Variants in FAR2 observed in about 807,000 individuals in gnomAD.
FAR2 encodes epididymis secretory protein Li 81.
A neutral mutation model predicts 56.0 loss-of-function variants in FAR2; 19 were observed. That is an observed-to-expected ratio of 0.34 (90% confidence interval 0.24 to 0.50). The LOEUF (loss-of-function observed/expected upper bound fraction) is 0.50. Among genes scored for constraint, FAR2 ranks in the 20% least tolerant of loss-of-function variants. The probability of loss-of-function intolerance (pLI) is 0.98; values close to 1 mark genes in which losing one functional copy is unlikely to be tolerated. For missense variants in FAR2, 508 were observed against 642.2 expected, an observed-to-expected ratio of 0.79 and a Z score of 2.26; for synonymous variants, 219 against 218.8, an observed-to-expected ratio of 1.00 and a Z score of -0.01.
chr12:29,241,259 G>A (rs989862993), intron 1 of FAR2, among the ~76,000 whole-genome samples: 13 of 152,122 alleles, frequency 8.5e-5, no homozygotes, highest in Non-Finnish European at 1.9e-4. Flanking sequence ...GCCAAAATGT[G>A]TATGTATACA....
At chr12:29,322,036 T>A in intron 10 of FAR2, 112 bp downstream of exon 10, 2 of 1,216,526 alleles carry the variant, frequency 1.6e-6, no homozygotes, top group East Asian at 2.9e-5. Flanking sequence ...AGACACAGAT[T>A]TTGTTTTGCT....
chr12:29,319,137 C>T (rs1949511529), intron 9 of FAR2, among the ~76,000 whole-genome samples: 1 of 151,722 alleles, frequency 6.6e-6, no homozygotes, highest in African/African-American at 2.4e-5. Flanking sequence ...ATTACAGGCG[C>T]CCGCCACTGT....
At chr12:29,199,218 G>T (rs1025580295) in intron 1 of FAR2, among the ~76,000 whole-genome samples, 1 of 152,126 alleles carries the variant, frequency 6.6e-6, no homozygotes, top group South Asian at 2.1e-4. Context: ...ACACAATCAG[G>T]AATTCAAATT....
At chr12:29,324,097 G>A (rs375002195) in intron 10 of FAR2, among the ~76,000 whole-genome samples, 28 of 152,170 alleles carry the variant, frequency 1.8e-4, no homozygotes, top group Middle Eastern at 3.2e-3. Context: ...ACTACGTGAC[G>A]AATGCACAAG....
chr12:29,307,260 AC>A (rs1479255360), intron 4 of FAR2, among the ~76,000 whole-genome samples: 2 of 152,228 alleles, frequency 1.3e-5, no homozygotes, highest in Non-Finnish European at 2.9e-5. Flanking sequence ...CTAATTTAGT[AC>A]TACTACAATA....
At chr12:29,268,330 C>A (rs1380513421) in intron 1 of FAR2, among the ~76,000 whole-genome samples, 5 of 152,204 alleles carry the variant, frequency 3.3e-5, no homozygotes, top group African/African-American at 1.2e-4. Context: ...CTTCCCCACA[C>A]CTCCAGCACT....
At chr12:29,243,311 GC>G in intron 1 of FAR2, among the ~76,000 whole-genome samples, 1 of 152,308 alleles carries the variant, frequency 6.6e-6, no homozygotes, top group East Asian at 1.9e-4. Context: ...ACTGGAGATA[GC>G]AATCTGGTTT....
intron 1 of FAR2, among the ~76,000 whole-genome samples, chr12:29,180,030 A>G (rs550397632): frequency 6.6e-6 from 1 of 152,282 alleles, no homozygotes; most frequent in South Asian, 2.1e-4. Flanking sequence ...CCTCTTTAAG[A>G]GCAACCTTGA....
chr12:29,205,909 T>A (rs909793898), intron 1 of FAR2, among the ~76,000 whole-genome samples: 1 of 152,108 alleles, frequency 6.6e-6, no homozygotes, highest in Non-Finnish European at 1.5e-5. Flanking sequence ...TATGAAAAGC[T>A]GATTTTTAAA....
At chr12:29,267,475 G>A (rs949069066) in intron 1 of FAR2, among the ~76,000 whole-genome samples, 4 of 152,176 alleles carry the variant, frequency 2.6e-5, no homozygotes, top group African/African-American at 9.6e-5. Flanking sequence ...CAGCTAATAA[G>A]TGGTAGAACT....
At chr12:29,155,511 A>G (rs896239149) in intron 1 of FAR2, among the ~76,000 whole-genome samples, 10 of 152,244 alleles carry the variant, frequency 6.6e-5, no homozygotes, top group African/African-American at 2.2e-4. Context: ...AGGGGTCAGC[A>G]GCTTTGGCCC....
At chr12:29,176,854 CTT>C (rs1035236190) in intron 1 of FAR2, among the ~76,000 whole-genome samples, 1 of 152,104 alleles carries the variant, frequency 6.6e-6, no homozygotes, top group African/African-American at 2.4e-5. Flanking sequence ...AAAAAGGAAA[CTT>C]GAGATAGATT....
chr12:29,318,593 C>A (rs1027039010), intron 9 of FAR2, among the ~76,000 whole-genome samples: 3 of 152,200 alleles, frequency 2.0e-5, no homozygotes, highest in Non-Finnish European at 4.4e-5. Flanking sequence ...TCCTTCTAGA[C>A]CCTTTCCTGC....
At chr12:29,333,021 C>G (rs936726482) in intron 11 of FAR2, 1 of 425,458 alleles carries the variant, frequency 2.4e-6, no homozygotes. Context: ...GATTTGAACC[C>G]AAATTTGTTT....
intron 1 of FAR2, among the ~76,000 whole-genome samples, chr12:29,229,661 G>T (rs189938614): frequency 4.6e-4 from 70 of 152,242 alleles, no homozygotes; most frequent in Admixed American, 3.7e-3. Flanking sequence ...ATGAGCAAAA[G>T]CAGATAGATG....
intron 1 of FAR2, among the ~76,000 whole-genome samples, chr12:29,235,482 C>T (rs1947925941): frequency 6.6e-6 from 1 of 152,148 alleles, no homozygotes; most frequent in Admixed American, 6.5e-5. Flanking sequence ...TATTAGTGAG[C>T]ACTTCCTGTA....
intron 1 of FAR2, among the ~76,000 whole-genome samples, chr12:29,203,728 G>A (rs7972299): frequency 0.039 from 5,921 of 152,154 alleles, 335 homozygotes; most frequent in African/African-American, 0.13. Context: ...GGCCGGGGGC[G>A]GTGGCTCACG....
rs1301104150 is a variant in FAR2, at chr12:29,296,353, T to A, written c.366-668T>A. Among the ~76,000 whole-genome samples the A allele has an allele frequency of 2.0e-5, 3 of 152,336 alleles. No individual in the cohort carries two copies. The East Asian group carries it at 5.8e-4, about 29-fold the overall frequency. The stretch of plus-strand genomic sequence containing the variant: ...TTTCACCAGTTCTAGTGAATTTGTT[T>A]AACTAAATTGGAAATGGAAATTAAA... On this transcript the variant is annotated intron_variant, in intron 3 of 11. Coordinates refer to ENST00000536681, the MANE Select transcript of FAR2 (RefSeq NM_001271783.2).
intron 1 of FAR2, among the ~76,000 whole-genome samples, chr12:29,255,445 G>A (rs1320732783): frequency 6.6e-6 from 1 of 152,122 alleles, no homozygotes; most frequent in Non-Finnish European, 1.5e-5. Context: ...GAATTTTAGG[G>A]AGACACAGTT....
Sources: allele counts gnomAD v4.1 joint callset (sites outside exome capture counted in the v4.1 genomes callset), GRCh38; gene constraint gnomAD v4.1.1; transcripts MANE v1.5; gene names NCBI Gene and HGNC (gene_info 2026-07-23, HGNC 2026-07-21).